The following CHRNA6 variants were observed in gnomAD, a reference collection of about 807,000 sequenced individuals.
The protein encoded by CHRNA6 is cholinergic receptor nicotinic alpha 6 subunit.
CHRNA6 carries 31 observed loss-of-function variants against 40.9 expected under a neutral mutation model. The observed-to-expected ratio is 0.76, with a 90% confidence interval of 0.57 to 1.02. The LOEUF is 1.02. CHRNA6 is among the 50% of genes least tolerant of loss of function. The probability of loss-of-function intolerance (pLI) is 0.00; values close to 1 mark genes in which losing one functional copy is unlikely to be tolerated. For synonymous variants in CHRNA6, 222 were observed against 221.3 expected (o/e 1.00, Z -0.03); for missense variants, 546 against 596.6 (o/e 0.92, Z 0.88).
chr8:42,756,127 G>T lies in CHRNA6; in HGVS notation c.1072C>A (p.Pro358Thr). The change falls in exon 5 of 6, where the codon CCT (proline) becomes ACT (threonine). Residue 358 changes from proline to threonine, a missense_variant. Physicochemically the swap from Pro to Thr is conservative, Grantham distance 38. Around this residue, in one of 3 missense-constraint regions of CHRNA6, gnomAD observed 476 missense variants for 494.5 expected, o/e 0.96. Transcript: ENST00000276410. ...CCTGTGCCCCTTGTCTTGTCCAGAG[G>T]CCACCTCATCAGCAGGACCTGGGGC... ...LLPQVLLMRW[P>T]LDKTRGTGSD... 6.2e-7 allele frequency: 1 copy of T among 1,614,268 alleles called. No individual in the cohort carries two copies. The highest frequency in any genetic ancestry group is 8.5e-7 in the Non-Finnish European group (1 of 1,180,042).
rs879915495 is a variant in CHRNA6, at chr8:42,768,571, T to A, written c.-141A>T. ...GTGTGTCTTCTCAGAAATCAAAACA[T>A]CCCCGGGACTTCACACGGTTATTAC... On this transcript the variant is annotated 5_prime_UTR_variant, in exon 1 of 6. It removes an upstream start codon present in the reference 5' UTR. Transcript: ENST00000276410. 4.3e-5 allele frequency: 26 copies of A among 603,840 alleles called. No homozygotes were observed. The highest frequency in any genetic ancestry group is 7.5e-5 in the Non-Finnish European group (25 of 331,668). The allele number at this position is 603,840 out of a possible 1,614,324, so 37.4% of individuals were successfully genotyped here.
chr8:42,768,712 GA>G lies in CHRNA6; in HGVS notation c.-283del. 1 of 301,086 alleles carries G rather than the reference GA, an allele frequency of 3.3e-6. No individual in the cohort carries two copies. The highest frequency in any genetic ancestry group is 6.2e-6 in the Non-Finnish European group (1 of 160,320). The allele number at this position is 301,086 out of a possible 1,614,324, so 18.7% of individuals were successfully genotyped here. A position where few individuals can be genotyped will look rare whatever the true frequency, so the allele number is the denominator to read the frequency against. On this transcript the variant is annotated 5_prime_UTR_variant, in exon 1 of 6. Transcript: ENST00000276410. ...TGTCTCTTCATGCAAGAAAGGGGAA[GA>G]AAAGCAGAAAAGAAATGCTGGGGCA...
chr8:42,757,043 A>G lies in CHRNA6; in HGVS notation c.265-6T>C, dbSNP rs1816815392. The G allele has an allele frequency of 6.3e-7, 1 of 1,592,166 alleles. No individual in the cohort carries two copies. The highest frequency in any genetic ancestry group is 8.6e-7 in the Non-Finnish European group (1 of 1,160,424). On this transcript the variant is annotated splice_region_variant and splice_polypyrimidine_tract_variant and intron_variant, in intron 3 of 5. Transcript: ENST00000276410. Reference sequence around the variant, plus strand: ...AATTTATAATCATTCCAGATCTAAAATAAATAGAAATCAGCTTTTAAAATT... The same window carrying G: ...AATTTATAATCATTCCAGATCTAAAGTAAATAGAAATCAGCTTTTAAAATT...
intron 5 of CHRNA6, among the ~76,000 whole-genome samples, chr8:42,754,625 A>G (rs186062562): frequency 6.0e-4 from 91 of 152,278 alleles, no homozygotes; most frequent in Non-Finnish European, 1.0e-4. Context: ...GTTTCACAGT[A>G]TCCTTTCACT....
At chr8:42,763,609 A>G (rs901628406) in intron 2 of CHRNA6, among the ~76,000 whole-genome samples, 1 of 152,190 alleles carries the variant, frequency 6.6e-6, no homozygotes, top group Non-Finnish European at 1.5e-5. Context: ...TTGGTTCACA[A>G]CAACCCAGTC....
rs1232173139 is a variant in CHRNA6 at position 42,768,380 on chromosome 8, C to T, written c.51G>A (p.Trp17Ter). 6.2e-7 allele frequency: 1 copy of T among 1,613,970 alleles called. No individual in the cohort carries two copies. Among genetic ancestry groups the T allele is most frequent in the Admixed American group, 1.7e-5 (1 of 60,010 alleles). The change falls in exon 1 of 6, where the codon TGG (tryptophan) becomes TGA (stop). Residue 17 changes from tryptophan (W) to a stop codon, truncating the protein, a stop_gained. Coordinates refer to ENST00000276410, the MANE Select transcript of CHRNA6 (RefSeq NM_004198.3). LOFTEE classifies it high-confidence loss of function. ...TAAAGAAAGGTGTGAACACACACAG[C>T]CAGAGACACAAGCCCCCATGAAGGA... ...QGFLHGGLCL[W>*]LCVFTPFFKG...
intron 2 of CHRNA6, among the ~76,000 whole-genome samples, chr8:42,760,302 ACT>A (rs776736904): frequency 1.8e-4 from 26 of 147,430 alleles, no homozygotes; most frequent in Non-Finnish European, 2.1e-4. Context: ...TATACACGGT[ACT>A]CTCATACACA....
chr8:42,756,034 G>A lies in CHRNA6; in HGVS notation c.1165C>T (p.Pro389Ser). ...AKGKLASHGE[P>S]RHLKECFHCH... The stretch of plus-strand genomic sequence containing the variant: ...TGGAAGCATTCTTTAAGATGTCTGG[G>A]TTCCCCATGGCTTGCAAGCTTGCCT... The change falls in exon 5 of 6, where the codon CCC becomes TCC. Residue 389 changes from proline to serine, a missense_variant. By Grantham distance (74) the Pro-to-Ser change is moderately conservative (BLOSUM62 -1). Transcript: ENST00000276410. The A allele has an allele frequency of 6.2e-7, 1 of 1,614,238 alleles. No individual in the cohort carries two copies. Among genetic ancestry groups the A allele is most frequent in the Non-Finnish European group, 8.5e-7 (1 of 1,180,044 alleles).
chr8:42,759,389 C>T (rs1329567086), intron 2 of CHRNA6: 5 of 387,530 alleles, frequency 1.3e-5, no homozygotes, highest in Non-Finnish European at 2.4e-5. Flanking sequence ...CCGATCTCTG[C>T]AGCCCATAAA....
At chr8:42,758,720 T>C (rs965349954) in intron 3 of CHRNA6, among the ~76,000 whole-genome samples, 1 of 152,164 alleles carries the variant, frequency 6.6e-6, no homozygotes, top group Non-Finnish European at 1.5e-5. Context: ...GGGAATCTCA[T>C]GTACATGCTC....
chr8:42,760,776 G>A (rs1438538873), intron 2 of CHRNA6, among the ~76,000 whole-genome samples: 1 of 152,238 alleles, frequency 6.6e-6, no homozygotes, highest in Non-Finnish European at 1.5e-5. Flanking sequence ...AAGACAGTCA[G>A]GGCTGTGTGG....
chr8:42,765,602 A>C (rs1816965720), intron 1 of CHRNA6, among the ~76,000 whole-genome samples: 1 of 152,202 alleles, frequency 6.6e-6, no homozygotes, highest in East Asian at 1.9e-4. Flanking sequence ...ATTCAGGAAA[A>C]TCCTGTCCTT....
At chr8:42,756,879 A>G in intron 4 of CHRNA6, 49 bp downstream of exon 4, 1 of 1,611,452 alleles carries the variant, frequency 6.2e-7, no homozygotes, top group Non-Finnish European at 8.5e-7. Flanking sequence ...AGGCCAGAAT[A>G]CACCAACAGC....
intron 1 of CHRNA6, 148 bp downstream of exon 1, chr8:42,768,204 A>G: frequency 1.8e-6 from 1 of 564,252 alleles, no homozygotes. Flanking sequence ...ATAAAAACCA[A>G]ATAGATTAAT....
intron 2 of CHRNA6, among the ~76,000 whole-genome samples, chr8:42,762,873 G>C (rs1816923605): frequency 6.6e-6 from 1 of 152,188 alleles, no homozygotes; most frequent in Admixed American, 6.5e-5. Flanking sequence ...ATTAGTGGGA[G>C]AAACAGGCAG....
chr8:42,766,521 A>AGAAAGAAAGAAAGAAAG (rs1563627476), intron 1 of CHRNA6, among the ~76,000 whole-genome samples: 5 of 151,928 alleles, frequency 3.3e-5, no homozygotes, highest in South Asian at 2.1e-4. Flanking sequence ...AAAGAAAGAA[A>AGAAAGAAAGAAAGAAAG]ATGTGGTATA....
chr8:42,753,080 G>A lies in CHRNA6; in HGVS notation c.*99C>T, dbSNP rs1816744465. 6.2e-6 allele frequency: 7 copies of A among 1,136,770 alleles called. No homozygotes were observed. Among genetic ancestry groups the A allele is most frequent in the Middle Eastern group, 2.5e-4 (1 of 4,016 alleles). The allele number at this position is 1,136,770 out of a possible 1,614,324, so 70.4% of individuals were successfully genotyped here. On this transcript the variant is annotated 3_prime_UTR_variant, in exon 6 of 6. Coordinates refer to ENST00000276410, the MANE Select transcript of CHRNA6 (RefSeq NM_004198.3). ...TGTAGCCATCAGTTTTAGCAGATGG[G>A]GGACTTGGGTGGGAAGCCTTTGCTT...
At chr8:42,766,521 A>AGAAAG (rs1563627476) in intron 1 of CHRNA6, among the ~76,000 whole-genome samples, 2 of 151,820 alleles carry the variant, frequency 1.3e-5, no homozygotes, top group African/African-American at 2.4e-5. Flanking sequence ...AAAGAAAGAA[A>AGAAAG]ATGTGGTATA....
In CHRNA6 at chr8:42,756,229, C is replaced by G; in HGVS notation, c.970G>C (p.Val324Leu). 2 of 1,614,226 alleles carry G rather than the reference C, an allele frequency of 1.2e-6. No homozygotes were observed. The highest frequency in any genetic ancestry group is 1.7e-6 in the Non-Finnish European group (2 of 1,180,038). ...VTLSIVVTVF[V>L]LNIHYRTPTT... is the part of the protein sequence containing the mutation. Reference sequence around the variant, plus strand: ...GGGGTGCGGTAGTGTATGTTCAACACAAACACAGTCACCACGATGGACAGT... The same window carrying G: ...GGGGTGCGGTAGTGTATGTTCAACAGAAACACAGTCACCACGATGGACAGT... Residue 324 changes from valine (V) to leucine (L), a missense_variant, in exon 5 of 6, where the codon GTG (valine) becomes CTG (leucine). Val to Leu is a conservative substitution (Grantham distance 32, BLOSUM62 1). Transcript: ENST00000276410.
Sources: gnomAD v4.1 joint callset for allele counts (sites outside exome capture counted in the v4.1 genomes callset) on GRCh38, gnomAD v4.1.1 for gene constraint, gnomAD v4.1.1 regional missense constraint, MANE v1.5 for transcripts, NCBI Gene and HGNC (gene_info 2026-07-23, HGNC 2026-07-21) for gene names.